The following KAZN variants were observed in gnomAD, a reference collection of about 807,000 sequenced individuals.
KAZN encodes the protein kazrin, periplakin interacting protein, also known as kazrin.
In KAZN, 40 loss-of-function variants were observed where a neutral mutation model predicts 87.4. That is an observed-to-expected ratio of 0.46 (90% confidence interval 0.36 to 0.60). The LOEUF is 0.60. KAZN is among the 20% of genes least tolerant of loss of function. KAZN has a pLI of 0.00. For missense variants in KAZN, 898 were observed against 1,073.9 expected (o/e 0.84, Z 2.29); for synonymous variants, 466 against 458.3 (o/e 1.02, Z -0.22).
At chr1:14,101,060 C>A (rs2101644299) in intron 1 of KAZN, among the ~76,000 whole-genome samples, 1 of 152,300 alleles carries the variant, frequency 6.6e-6, no homozygotes, top group South Asian at 2.1e-4. Context: ...TCCATTAAAC[C>A]TCTTTCATTC....
intron 2 of KAZN, among the ~76,000 whole-genome samples, chr1:14,444,168 C>G (rs1241743346): frequency 6.6e-6 from 1 of 152,126 alleles, no homozygotes; most frequent in Admixed American, 6.5e-5. Flanking sequence ...GCTTTCACTG[C>G]AAACCTTCAT....
At chr1:15,027,645 G>A (rs74960082) in intron 2 of KAZN, among the ~76,000 whole-genome samples, 2,104 of 152,264 alleles carry the variant, frequency 0.014, 39 homozygotes, top group South Asian at 0.063. Context: ...AGGTTCCATG[G>A]GTCAGGAACA....
At chr1:14,473,554 G>C (rs1030765666) in intron 2 of KAZN, among the ~76,000 whole-genome samples, 1 of 151,324 alleles carries the variant, frequency 6.6e-6, no homozygotes, top group African/African-American at 2.4e-5. Flanking sequence ...TTGAACCGGG[G>C]AGGCAGAGAT....
intron 1 of KAZN, among the ~76,000 whole-genome samples, chr1:14,648,383 C>T (rs1450701723): frequency 6.6e-6 from 1 of 152,136 alleles, no homozygotes; most frequent in Non-Finnish European, 1.5e-5. Context: ...AAATGAGAAA[C>T]ATTTGAAAAC....
At chr1:14,858,886 G>A (rs767539479) in intron 1 of KAZN, among the ~76,000 whole-genome samples, 61 of 152,072 alleles carry the variant, frequency 4.0e-4, no homozygotes, top group Non-Finnish European at 6.9e-4. Context: ...TGTACATCTC[G>A]TGAAGATCCA....
chr1:14,459,410 G>GA (rs943606831), intron 2 of KAZN, among the ~76,000 whole-genome samples: 13 of 146,784 alleles, frequency 8.9e-5, no homozygotes, highest in Middle Eastern at 3.4e-3. Context: ...TGGCCAAGGG[G>GA]AAAAAAAAAA....
At chr1:13,903,371 C>A (rs951365375) in intron 1 of KAZN, among the ~76,000 whole-genome samples, 3 of 152,192 alleles carry the variant, frequency 2.0e-5, no homozygotes, top group Non-Finnish European at 2.9e-5. Flanking sequence ...AAAGTAACTG[C>A]GTTTTTGTCG....
At chr1:13,940,980 A>G (rs1444673173) in intron 1 of KAZN, among the ~76,000 whole-genome samples, 2 of 152,174 alleles carry the variant, frequency 1.3e-5, no homozygotes, top group Non-Finnish European at 2.9e-5. Context: ...GGATCACCTG[A>G]GGTCAGGAGT....
intron 2 of KAZN, among the ~76,000 whole-genome samples, chr1:14,358,416 T>C (rs1659224823): frequency 6.6e-6 from 1 of 152,160 alleles, no homozygotes; most frequent in Non-Finnish European, 1.5e-5. Context: ...TTCGTGTCTC[T>C]ATCTCCTTCA....
intron 1 of KAZN, among the ~76,000 whole-genome samples, chr1:14,738,782 G>A (rs544305470): frequency 6.6e-6 from 1 of 152,182 alleles, no homozygotes; most frequent in South Asian, 2.1e-4. Flanking sequence ...TGAGGATGAC[G>A]ATTCACATTT....
chr1:14,931,532 C>T (rs1659823369), intron 1 of KAZN, among the ~76,000 whole-genome samples: 1 of 152,142 alleles, frequency 6.6e-6, no homozygotes, highest in South Asian at 2.1e-4. Context: ...CCTCTCTGAC[C>T]CATTCAAGGA....
At chr1:14,165,125 T>C (rs1645798315) in intron 1 of KAZN, among the ~76,000 whole-genome samples, 2 of 152,188 alleles carry the variant, frequency 1.3e-5, no homozygotes, top group African/African-American at 2.4e-5. Context: ...TTGTGTGTCA[T>C]GTGTACATAG....
intron 1 of KAZN, among the ~76,000 whole-genome samples, chr1:14,120,560 T>C (rs1015489661): frequency 2.0e-5 from 3 of 152,346 alleles, no homozygotes; most frequent in Admixed American, 6.5e-5. Flanking sequence ...AGATGGTAGA[T>C]GCCCGTCTTC....
At chr1:14,758,651 G>T (rs536174185) in intron 1 of KAZN, among the ~76,000 whole-genome samples, 7 of 152,106 alleles carry the variant, frequency 4.6e-5, no homozygotes, top group Non-Finnish European at 7.4e-5. Context: ...TGGCCAATGC[G>T]ATACTAGCTG....
At chr1:14,404,156 G>A (rs1034020772) in intron 2 of KAZN, among the ~76,000 whole-genome samples, 12 of 152,290 alleles carry the variant, frequency 7.9e-5, no homozygotes, top group African/African-American at 2.6e-4. Context: ...TTATTATGCA[G>A]ATGGGTTATC....
intron 1 of KAZN, among the ~76,000 whole-genome samples, chr1:14,026,987 A>G (rs550224134): frequency 1.3e-5 from 2 of 152,282 alleles, no homozygotes; most frequent in African/African-American, 4.8e-5. Flanking sequence ...TGGTCCAGGA[A>G]GAAGCAACAG....
chr1:14,958,928 C>G (rs1007551268), intron 1 of KAZN, among the ~76,000 whole-genome samples: 2 of 152,170 alleles, frequency 1.3e-5, no homozygotes, highest in Non-Finnish European at 2.9e-5. Flanking sequence ...TCTGTTCATT[C>G]TCGAGGGCAG....
At chr1:14,209,045 A>G (rs1646800561) in intron 2 of KAZN, among the ~76,000 whole-genome samples, 1 of 152,212 alleles carries the variant, frequency 6.6e-6, no homozygotes, top group African/African-American at 2.4e-5. Context: ...GAATGCTTGT[A>G]CATTATCTCT....
intron 1 of KAZN, among the ~76,000 whole-genome samples, chr1:13,981,915 CT>C (rs1638736787): frequency 6.6e-6 from 1 of 152,144 alleles, no homozygotes; most frequent in African/African-American, 2.4e-5. Flanking sequence ...GAGGGTGGGA[CT>C]TTCTCATTGC....
Sources: allele counts gnomAD v4.1 joint callset (sites outside exome capture counted in the v4.1 genomes callset), GRCh38; gene constraint gnomAD v4.1.1; transcripts MANE v1.5; gene names NCBI Gene and HGNC (gene_info 2026-07-23, HGNC 2026-07-21).